Variants in ZNF131 observed in about 807,000 individuals in gnomAD.
The protein encoded by ZNF131 is zinc finger protein 131.
ZNF131 carries 7 observed loss-of-function variants against 60.0 expected under a neutral mutation model. That is an observed-to-expected ratio of 0.12 (90% CI 0.07 to 0.22). The LOEUF (loss-of-function observed/expected upper bound fraction) is 0.22, where lower values mean the gene tolerates loss of function less well. ZNF131 is among the 10% of genes least tolerant of loss of function. The probability of loss-of-function intolerance (pLI) is 1.00; values close to 1 mark genes in which losing one functional copy is unlikely to be tolerated. For synonymous variants in ZNF131, 257 were observed against 253.2 expected, an observed-to-expected ratio of 1.01 and a Z score of -0.14; for missense variants, 493 against 740.9, an observed-to-expected ratio of 0.67 and a Z score of 3.88.
At chr5:43,169,788 C>CT (rs1373960613) in intron 5 of ZNF131, among the ~76,000 whole-genome samples, 1 of 150,270 alleles carries the variant, frequency 6.7e-6, no homozygotes, top group Non-Finnish European at 1.5e-5. Flanking sequence ...AGAATATGCA[C>CT]TTTTTTCTTT....
chr5:43,172,358 C>T (rs530926365), intron 5 of ZNF131, among the ~76,000 whole-genome samples: 1 of 152,196 alleles, frequency 6.6e-6, no homozygotes, highest in African/African-American at 2.4e-5. Context: ...CAGTGGCTCA[C>T]GCTTATAATC....
rs1751450221 is a variant in ZNF131, at chr5:43,175,198, A to G, written c.*65A>G. The G allele has an allele frequency of 6.9e-7, 1 of 1,446,002 alleles. No individual in the cohort carries two copies. The highest frequency in any genetic ancestry group is 1.5e-5 in the African/African-American group (1 of 66,706). The allele number at this position is 1,446,002 out of a possible 1,614,324, so 89.6% of individuals were successfully genotyped here. A position where few individuals can be genotyped will look rare whatever the true frequency, so the allele number is the denominator to read the frequency against. ...TTTTGAACTGATTATGGGCAGTTTG[A>G]CTGTCCTTAATTAAGCCTAACAGAC... is the stretch of plus-strand genomic sequence containing the variant. On this transcript the variant is annotated 3_prime_UTR_variant, in exon 7 of 7. Coordinates refer to ENST00000682664, the MANE Select transcript of ZNF131 (RefSeq NM_001330707.2).
chr5:43,155,635 G>A (rs564345131), intron 4 of ZNF131, among the ~76,000 whole-genome samples: 2 of 152,324 alleles, frequency 1.3e-5, no homozygotes, highest in South Asian at 4.1e-4. Context: ...TGTTTTGCTT[G>A]CAGGTTAGCT....
At position 43,123,261 on chromosome 5, in the gene ZNF131, C is replaced by T; in HGVS notation, c.177C>T (p.Phe59=). The part of the protein sequence containing the change: ...KAVLAACSKF[F]YKFFQEFTQE... ...TTTTGGCTGCTTGTAGTAAGTTCTT[C>T]TACAAATTCTTTCAGGAGTTTACCC... Residue 59 remains phenylalanine (F), a synonymous_variant, in exon 3 of 7, where the codon TTC becomes TTT. Coordinates refer to ENST00000682664, the MANE Select transcript of ZNF131 (RefSeq NM_001330707.2). 1 of 1,612,068 alleles carries T rather than the reference C, an allele frequency of 6.2e-7. No homozygotes were observed. The highest frequency in any genetic ancestry group is 1.3e-5 in the African/African-American group (1 of 74,922).
intron 3 of ZNF131, among the ~76,000 whole-genome samples, chr5:43,138,702 A>G (rs893270255): frequency 6.6e-6 from 1 of 152,168 alleles, no homozygotes; most frequent in Non-Finnish European, 1.5e-5. Context: ...GGTTTGTTTG[A>G]GAAATAGTAT....
At chr5:43,146,792 G>C (rs866544234) in intron 4 of ZNF131, among the ~76,000 whole-genome samples, 9 of 152,014 alleles carry the variant, frequency 5.9e-5, no homozygotes, top group African/African-American at 1.9e-4. Flanking sequence ...TATAGTCCCA[G>C]CTACTTGGGA....
Position 43,175,890 on chromosome 5 carries a change from G to A in ZNF131, c.*757G>A, listed in dbSNP as rs1751523455. 1 of 152,476 alleles carries A rather than the reference G, an allele frequency of 6.6e-6. No individual in the cohort carries two copies. The highest frequency in any genetic ancestry group is 2.1e-4 in the South Asian group (1 of 4,824). 9.4% of individuals were successfully genotyped at this position (152,476 alleles called of 1,614,324 possible). A position where few individuals can be genotyped will look rare whatever the true frequency, so the allele number is the denominator to read the frequency against. On this transcript the variant is annotated 3_prime_UTR_variant, in exon 7 of 7. Coordinates refer to ENST00000682664, the MANE Select transcript of ZNF131 (RefSeq NM_001330707.2). ...CACCAGTTCTTTTTCACTTAAGTTA[G>A]GTTGAGAAATTTTATTTAATGGCCA...
chr5:43,173,753 C>T (rs1380333382), intron 6 of ZNF131, among the ~76,000 whole-genome samples: 1 of 151,460 alleles, frequency 6.6e-6, no homozygotes, highest in East Asian at 1.9e-4. Context: ...AGATTCCCCC[C>T]CCATGATTAG....
intron 5 of ZNF131, among the ~76,000 whole-genome samples, chr5:43,163,126 C>T (rs1385032837): frequency 2.6e-5 from 4 of 151,478 alleles, no homozygotes; most frequent in African/African-American, 9.7e-5. Context: ...GCGAGCACCA[C>T]CACGCCCCTG....
At chr5:43,139,381 A>C in intron 4 of ZNF131, 72 bp downstream of exon 4, 1 of 1,372,072 alleles carries the variant, frequency 7.3e-7, no homozygotes, top group Non-Finnish European at 9.6e-7. Flanking sequence ...AAGAACTTAC[A>C]GTATGTGTCA....
intron 5 of ZNF131, among the ~76,000 whole-genome samples, chr5:43,168,181 A>G (rs998512180): frequency 2.6e-5 from 4 of 152,206 alleles, no homozygotes; most frequent in African/African-American, 9.7e-5. Flanking sequence ...CACCTCTTAA[A>G]GGTCCTACCT....
At chr5:43,132,605 G>A (rs1391398669) in intron 3 of ZNF131, among the ~76,000 whole-genome samples, 3 of 150,414 alleles carry the variant, frequency 2.0e-5, no homozygotes, top group African/African-American at 7.4e-5. Context: ...CCACCTCCTG[G>A]GTTCAAGCGA....
intron 3 of ZNF131, among the ~76,000 whole-genome samples, chr5:43,125,509 G>A (rs551789483): frequency 4.4e-4 from 67 of 151,910 alleles, no homozygotes; most frequent in South Asian, 2.9e-3. Context: ...GGCCGGATGC[G>A]GTGGCTCACG....
intron 4 of ZNF131, among the ~76,000 whole-genome samples, chr5:43,153,946 C>T (rs928903812): frequency 6.6e-6 from 1 of 152,166 alleles, no homozygotes; most frequent in African/African-American, 2.4e-5. Context: ...AGTACCTTGA[C>T]TGTTATTGAT....
At chr5:43,168,983 G>A (rs924070242) in intron 5 of ZNF131, among the ~76,000 whole-genome samples, 2 of 152,216 alleles carry the variant, frequency 1.3e-5, no homozygotes, top group Admixed American at 6.5e-5. Flanking sequence ...TACCAGACAT[G>A]TTGACAGATA....
intron 4 of ZNF131, among the ~76,000 whole-genome samples, chr5:43,149,915 T>G (rs1407960900): frequency 6.6e-6 from 1 of 152,188 alleles, no homozygotes; most frequent in Non-Finnish European, 1.5e-5. Flanking sequence ...GGTCTGAGAT[T>G]TTATCCTGTT....
chr5:43,164,835 T>C (rs77826997), intron 5 of ZNF131, among the ~76,000 whole-genome samples: 8,179 of 152,332 alleles, frequency 0.054, 326 homozygotes, highest in South Asian at 0.13. Context: ...ATATACCCAT[T>C]GGAGGAACAG....
chr5:43,135,986 G>A (rs1027386712), intron 3 of ZNF131, among the ~76,000 whole-genome samples: 4 of 151,898 alleles, frequency 2.6e-5, no homozygotes, highest in East Asian at 1.9e-4. Flanking sequence ...ATGGTGGTGC[G>A]TGCCTGTAGT....
chr5:43,122,007 T>A, intron 1 of ZNF131, 32 bp from the exon 2 acceptor site: 1 of 1,605,774 alleles, frequency 6.2e-7, no homozygotes, highest in Non-Finnish European at 8.5e-7. Context: ...CTCGAGCTCA[T>A]GGGTGTACAT....
Sources: gnomAD v4.1 joint callset for allele counts (sites outside exome capture counted in the v4.1 genomes callset) on GRCh38, gnomAD v4.1.1 for gene constraint, MANE v1.5 for transcripts, NCBI Gene and HGNC (gene_info 2026-07-23, HGNC 2026-07-21) for gene names.